PTPRE: variants seen among roughly 807,000 people sequenced by gnomAD.
PTPRE encodes protein tyrosine phosphatase receptor type E.
PTPRE carries 51 observed loss-of-function variants against 102.0 expected under a neutral mutation model. The observed-to-expected ratio is 0.50, with a 90% CI of 0.40 to 0.63. The LOEUF (loss-of-function observed/expected upper bound fraction) is 0.63. Ranked by LOEUF, PTPRE falls within the 30% of genes least tolerant of loss-of-function variation. The pLI is 0.00. For missense variants in PTPRE, 752 were observed against 915.1 expected (o/e 0.82, Z 2.30); for synonymous variants, 345 against 348.2 (o/e 0.99, Z 0.10).
chr10:127,993,287 T>C (rs1450229133), intron 2 of PTPRE, among the ~76,000 whole-genome samples: 1 of 152,214 alleles, frequency 6.6e-6, no homozygotes, highest in Non-Finnish European at 1.5e-5. Flanking sequence ...GAGAATGGCC[T>C]GACAATTCGC....
intron 1 of PTPRE, among the ~76,000 whole-genome samples, chr10:127,957,023 T>C (rs937616860): frequency 6.6e-5 from 10 of 152,194 alleles, no homozygotes; most frequent in African/African-American, 2.2e-4. Flanking sequence ...GTCTGTGGCT[T>C]GTCTTCTCAT....
intron 2 of PTPRE, among the ~76,000 whole-genome samples, chr10:128,026,176 C>A (rs1326610501): frequency 2.0e-5 from 3 of 152,338 alleles, no homozygotes; most frequent in Admixed American, 6.5e-5. Context: ...CACTTCCTCC[C>A]TCAAACCCCC....
At chr10:128,010,632 GAGGGC>G (rs1589997055) in intron 2 of PTPRE, among the ~76,000 whole-genome samples, 4 of 141,752 alleles carry the variant, frequency 2.8e-5, no homozygotes, top group Non-Finnish European at 4.7e-5. Context: ...GCCCAGGCTG[GAGGGC>G]AGTGAGGGCA....
Position 128,066,926 on chromosome 10 carries a change from A to G in PTPRE, c.843+732A>G, listed in dbSNP as rs185438323. ...CACACACATACTCCCACACACAGGCACACACATGCACACATGCACATACAC... is the reference window on the plus strand; with the variant it reads ...CACACACATACTCCCACACACAGGCGCACACATGCACACATGCACATACAC... On this transcript the variant is annotated intron_variant, in intron 11 of 20. Transcript: ENST00000254667. Among the ~76,000 whole-genome samples the G allele has an allele frequency of 3.9e-3, 599 of 151,676 alleles. 17 individuals carry two copies. The East Asian group carries it at 0.087, about 22-fold the overall frequency.
chr10:127,943,764 C>T (rs1848416533), intron 1 of PTPRE, among the ~76,000 whole-genome samples: 1 of 152,232 alleles, frequency 6.6e-6, no homozygotes, highest in African/African-American at 2.4e-5. Context: ...TCCAAACTCT[C>T]TTAATTCCAG....
rs750498918 is a variant in PTPRE at position 127,969,365 on chromosome 10, G to A, written c.-30-12909G>A. 7.9e-5 allele frequency among the ~76,000 whole-genome samples: 12 copies of A among 152,140 alleles called. 1 individual carries two copies. Among genetic ancestry groups the A allele is most frequent in the Non-Finnish European group, 1.6e-4 (11 of 68,030 alleles). On this transcript the variant is annotated intron_variant, in intron 1 of 20. Transcript: ENST00000254667. ...GACATCCTGGTGCCTTTGCAGGGTC[G>A]TCATGAGGATAAAGGGGATGGGCCA...
rs1844749286 is a variant in PTPRE, at chr10:128,008,984, G to A, written c.-8+26688G>A. ...ACTTTGTTTCCTGCAAATCTTACCA[G>A]GAGTGCACCTTGTCAGTCAGGGGTT... On this transcript the variant is annotated intron_variant, in intron 2 of 20. Coordinates refer to ENST00000254667, the MANE Select transcript of PTPRE (RefSeq NM_006504.6). This position sits in a 1 kb window ranked among gnomAD's most constrained non-coding sequence, Gnocchi z 4.0. Among the ~76,000 whole-genome samples, 1 of 152,208 alleles carries A rather than the reference G, an allele frequency of 6.6e-6. No individual in the cohort carries two copies. Among genetic ancestry groups the A allele is most frequent in the African/African-American group, 2.4e-5 (1 of 41,456 alleles).
At chr10:127,912,051 G>A (rs1195999797) in intron 1 of PTPRE, among the ~76,000 whole-genome samples, 3 of 152,196 alleles carry the variant, frequency 2.0e-5, no homozygotes, top group Admixed American at 1.3e-4. Context: ...GAGACCCCTG[G>A]TTTGGGGATT....
intron 2 of PTPRE, chr10:127,998,108 C>T (rs1415593253): frequency 1.3e-5 from 2 of 152,204 alleles, no homozygotes; most frequent in Non-Finnish European, 2.9e-5. Context: ...ATAATGGCCC[C>T]CTTTGGGAAT....
rs538610406 is a variant in PTPRE, at chr10:127,919,461, C to T, written c.-31+12152C>T. 2.0e-4 allele frequency among the ~76,000 whole-genome samples: 30 copies of T among 152,332 alleles called. No individual in the cohort carries two copies. The East Asian group carries it at 3.1e-3, about 16-fold the overall frequency. On this transcript the variant is annotated intron_variant, in intron 1 of 20. Transcript: ENST00000254667. Reference sequence around the variant, plus strand: ...GGGCACGCTGCCTGCTCCTGCCACCCGTGGGCTGCCTTCTTCCTGTTCTGT... The same window carrying T: ...GGGCACGCTGCCTGCTCCTGCCACCTGTGGGCTGCCTTCTTCCTGTTCTGT...
intron 2 of PTPRE, among the ~76,000 whole-genome samples, chr10:127,996,731 G>A (rs996087267): frequency 2.6e-5 from 4 of 152,182 alleles, no homozygotes; most frequent in Non-Finnish European, 5.9e-5. Flanking sequence ...CCAGGCACAC[G>A]CAGGCTCCGA....
rs1850677252 is a variant in PTPRE, at chr10:128,070,534, C to T, written c.1293+84C>T. On this transcript the variant is annotated intron_variant, in intron 14 of 20. Transcript: ENST00000254667. This position sits in a 1 kb window ranked among gnomAD's most constrained non-coding sequence, Gnocchi z 4.8. Reference sequence around the variant, plus strand: ...ACAGGTGACCATTTAAAGGAAGCCTCTTTCAATCACTTGCCCCTTAACTGA... The same window carrying T: ...ACAGGTGACCATTTAAAGGAAGCCTTTTTCAATCACTTGCCCCTTAACTGA... 5 of 1,492,492 alleles carry T rather than the reference C, an allele frequency of 3.4e-6. No homozygotes were observed. Among genetic ancestry groups the T allele is most frequent in the Admixed American group, 4.2e-5 (2 of 47,530 alleles). The allele number at this position is 1,492,492 out of a possible 1,614,324, so 92.5% of individuals were successfully genotyped here. A position where few individuals can be genotyped will look rare whatever the true frequency, so the allele number is the denominator to read the frequency against.
chr10:128,010,595 C>CTTTTCTTTT (rs1459323086), intron 2 of PTPRE, among the ~76,000 whole-genome samples: 20 of 29,276 alleles, frequency 6.8e-4, no homozygotes, highest in South Asian at 1.3e-3. Context: ...TCTTTTCTTT[C>CTTTTCTTTT]CTTTTGAGAT....
intron 1 of PTPRE, among the ~76,000 whole-genome samples, chr10:127,972,194 G>A (rs550236171): frequency 2.6e-5 from 4 of 152,216 alleles, no homozygotes; most frequent in South Asian, 4.1e-4. Flanking sequence ...TCCCCTGACC[G>A]CTGCCTGGGG....
In PTPRE at chr10:128,082,942, TC is replaced by T; in HGVS notation, c.*37del. 1 of 1,474,794 alleles carries T rather than the reference TC, an allele frequency of 6.8e-7. No individual in the cohort carries two copies. Among genetic ancestry groups the T allele is most frequent in the Non-Finnish European group, 9.0e-7 (1 of 1,105,318 alleles). 91.4% of individuals were successfully genotyped at this position (1,474,794 alleles called of 1,614,324 possible). ...CTTAAAATATTTTTTAATTTAATGG[TC>T]AGTATATTTTGTAAAAATCATGTTA... On this transcript the variant is annotated 3_prime_UTR_variant, in exon 21 of 21. Transcript: ENST00000254667.
At chr10:127,987,425 G>A in intron 2 of PTPRE, 1 of 1,091,412 alleles carries the variant, frequency 9.2e-7, no homozygotes. Context: ...GGTCTTTCTT[G>A]TCTCTTTGGT....
At chr10:127,972,826 G>C (rs1296042632) in intron 1 of PTPRE, among the ~76,000 whole-genome samples, 1 of 152,198 alleles carries the variant, frequency 6.6e-6, no homozygotes, top group East Asian at 1.9e-4. Context: ...GAGGCCTAGG[G>C]TTCTGCAGGT....
At chr10:127,991,824 A>G (rs1287603169) in intron 2 of PTPRE, among the ~76,000 whole-genome samples, 1 of 152,190 alleles carries the variant, frequency 6.6e-6, no homozygotes, top group African/African-American at 2.4e-5. Flanking sequence ...CTTTATTAGA[A>G]TAGCACCGGA....
intron 2 of PTPRE, among the ~76,000 whole-genome samples, chr10:128,024,193 T>G (rs1846131409): frequency 6.6e-6 from 1 of 152,232 alleles, no homozygotes; most frequent in African/African-American, 2.4e-5. Flanking sequence ...CTCAAGGGCT[T>G]CCTTGCTTTG....
Sources: allele counts gnomAD v4.1 joint callset (sites outside exome capture counted in the v4.1 genomes callset), GRCh38; gene constraint gnomAD v4.1.1; non-coding constraint Gnocchi (gnomAD v3.1); transcripts MANE v1.5; gene names NCBI Gene and HGNC (gene_info 2026-07-23, HGNC 2026-07-21).